Variants in ATG7 observed in about 807,000 individuals in gnomAD.
The protein encoded by ATG7 is ubiquitin-like modifier-activating enzyme ATG7.
ATG7 carries 70 observed loss-of-function variants against 82.4 expected under a neutral mutation model. That is an observed-to-expected ratio of 0.85 (90% CI 0.70 to 1.04). ATG7 has a LOEUF of 1.04. Among genes scored for constraint, ATG7 ranks in the 50% least tolerant of loss-of-function variants. ATG7 has a pLI of 0.00. For missense variants in ATG7, 792 were observed against 864.3 expected (o/e 0.92, Z 1.05); for synonymous variants, 287 against 313.0 (o/e 0.92, Z 0.88).
chr3:11,432,076 G>A (rs2082943459), intron 20 of ATG7, among the ~76,000 whole-genome samples: 1 of 152,194 alleles, frequency 6.6e-6, no homozygotes, highest in African/African-American at 2.4e-5. Context: ...TTATTGGAGG[G>A]GGAGAGGTCA....
At chr3:11,436,986 A>T (rs539882493) in intron 20 of ATG7, among the ~76,000 whole-genome samples, 2 of 152,300 alleles carry the variant, frequency 1.3e-5, no homozygotes, top group East Asian at 3.9e-4. Flanking sequence ...TTAGATAGTG[A>T]TGATGGTTGC....
chr3:11,457,936 C>T (rs570547384), intron 20 of ATG7, among the ~76,000 whole-genome samples: 41 of 152,138 alleles, frequency 2.7e-4, no homozygotes, highest in African/African-American at 7.0e-4. Context: ...AGGAAGTAAC[C>T]GGTAAGTATA....
chr3:11,561,716 CCT>C (rs1270233863), downstream of ATG7, among the ~76,000 whole-genome samples: 2 of 152,006 alleles, frequency 1.3e-5, no homozygotes, highest in Non-Finnish European at 2.9e-5. Flanking sequence ...CCAGAAACAC[CCT>C]GTTGGAAGTT....
chr3:11,342,366 C>T, intron 13 of ATG7, 87 bp downstream of exon 13: 1 of 1,461,056 alleles, frequency 6.8e-7, no homozygotes, highest in Non-Finnish European at 9.1e-7. Flanking sequence ...TTCCATCTCC[C>T]AGCTCCCCAT....
At chr3:11,321,994 C>T (rs972107013) in intron 9 of ATG7, among the ~76,000 whole-genome samples, 1 of 152,110 alleles carries the variant, frequency 6.6e-6, no homozygotes, top group Non-Finnish European at 1.5e-5. Flanking sequence ...GCAGGGTTGC[C>T]AGTTCAGCAG....
the ATG7 span, among the ~76,000 whole-genome samples, chr3:11,570,222 C>T: frequency 6.6e-6 from 1 of 152,056 alleles, no homozygotes; most frequent in East Asian, 1.9e-4. Context: ...CGCTCAGGGT[C>T]GTCACACCAG....
intron 19 of ATG7, among the ~76,000 whole-genome samples, chr3:11,402,788 A>G (rs1379531620): frequency 6.6e-6 from 1 of 152,174 alleles, no homozygotes; most frequent in Non-Finnish European, 1.5e-5. Context: ...ATTTTTTAAC[A>G]ATTTTTTTAA....
intron 20 of ATG7, among the ~76,000 whole-genome samples, chr3:11,435,768 A>G (rs1253368567): frequency 6.6e-6 from 1 of 152,176 alleles, no homozygotes; most frequent in Non-Finnish European, 1.5e-5. Flanking sequence ...CCTACTCCTC[A>G]CAATTACCAT....
chr3:11,493,986 T>G (rs2090610883), intron 20 of ATG7, among the ~76,000 whole-genome samples: 1 of 152,024 alleles, frequency 6.6e-6, no homozygotes, highest in Admixed American at 6.6e-5. Flanking sequence ...AGTAGTTAGG[T>G]GAAAGAGAAA....
chr3:11,414,328 A>G (rs912242905), intron 19 of ATG7, among the ~76,000 whole-genome samples: 35 of 152,290 alleles, frequency 2.3e-4, no homozygotes, highest in Admixed American at 1.9e-3. Flanking sequence ...GGCCTCCCAC[A>G]GTACTGGGAT....
intron 20 of ATG7, among the ~76,000 whole-genome samples, chr3:11,515,718 A>G (rs1299239165): frequency 6.6e-6 from 1 of 151,280 alleles, no homozygotes. Flanking sequence ...ACACATACAC[A>G]TCAGTTTTAT....
chr3:11,395,959 A>G (rs1388105668), intron 19 of ATG7, among the ~76,000 whole-genome samples: 2 of 121,866 alleles, frequency 1.6e-5, no homozygotes, highest in Non-Finnish European at 3.3e-5. Flanking sequence ...AAAAAAAAAA[A>G]AAAAAAGGTA....
rs1235816015 is a variant in ATG7, at chr3:11,439,065, CTTTCTTTTTTTTTT to C, written c.2079+12143_2079+12156del. Among the ~76,000 whole-genome samples, 84 of 80,556 alleles carry C rather than the reference CTTTCTTTTTTTTTT, an allele frequency of 1.0e-3. 1 individual carries two copies. The highest frequency in any genetic ancestry group is 3.7e-3 in the African/African-American group (81 of 21,648). 52.8% of individuals were successfully genotyped at this position (80,556 alleles called of 152,430 possible). On this transcript the variant is annotated intron_variant, in intron 20 of 20. Transcript: ENST00000693202. ...GTCTTATTTTCTTTTTCTTTTCTTT[CTTTCTTTTTTTTTT>C]TTTTTTTGAGACAGAGTCTCACCCT...
At chr3:11,572,858 G>T in the ATG7 span, among the ~76,000 whole-genome samples, 1 of 152,014 alleles carries the variant, frequency 6.6e-6, no homozygotes, top group African/African-American at 2.4e-5. Context: ...GCACTCTTTG[G>T]TTTTTCCTTC....
intron 20 of ATG7, among the ~76,000 whole-genome samples, chr3:11,448,811 A>G (rs1004043382): frequency 6.6e-6 from 1 of 152,112 alleles, no homozygotes; most frequent in African/African-American, 2.4e-5. Context: ...TTCCAATATG[A>G]ATGGAGCCTC....
chr3:11,362,782 T>C, intron 16 of ATG7, 31 bp from the exon 17 acceptor site: 1 of 1,595,200 alleles, frequency 6.3e-7, no homozygotes, highest in Admixed American at 1.7e-5. Flanking sequence ...AGTAGAACGT[T>C]CTGCACACAC....
intron 20 of ATG7, among the ~76,000 whole-genome samples, chr3:11,549,024 G>T (rs1218964463): frequency 3.9e-5 from 6 of 152,086 alleles, no homozygotes; most frequent in Non-Finnish European, 8.8e-5. Flanking sequence ...AGAACATATT[G>T]TGAAGCAGTG....
At chr3:11,391,181 A>T (rs1056425221) in intron 19 of ATG7, among the ~76,000 whole-genome samples, 3 of 152,240 alleles carry the variant, frequency 2.0e-5, no homozygotes, top group Middle Eastern at 3.2e-3. Flanking sequence ...ACAAAAAAGG[A>T]GGGGAACAAA....
At chr3:11,309,151 G>A (rs971122543) in intron 7 of ATG7, 90 bp downstream of exon 7, 26 of 1,212,008 alleles carry the variant, frequency 2.1e-5, no homozygotes, top group African/African-American at 2.1e-4. Context: ...TCTTCTCTCC[G>A]AAGCTACTAC....
Sources: allele counts gnomAD v4.1 joint callset (sites outside exome capture counted in the v4.1 genomes callset), GRCh38; gene constraint gnomAD v4.1.1; transcripts MANE v1.5; gene names NCBI Gene and HGNC (gene_info 2026-07-23, HGNC 2026-07-21).